RIT2: variants seen among roughly 807,000 people sequenced by gnomAD.
RIT2 encodes the protein GTP-binding protein Rit2.
RIT2 carries 24 observed loss-of-function variants against 23.7 expected under a neutral mutation model. The observed-to-expected ratio is 1.01, with a 90% confidence interval of 0.73 to 1.43. The LOEUF (loss-of-function observed/expected upper bound fraction) is 1.43, where lower values mean the gene tolerates loss of function less well. Among genes scored for constraint, RIT2 ranks in the 40% most tolerant of loss-of-function variants. RIT2 has a pLI of 0.00. For missense variants in RIT2, 236 were observed against 266.9 expected (o/e 0.88, Z 0.81); for synonymous variants, 107 against 91.1 (o/e 1.17, Z -0.99).
intron 3 of RIT2, among the ~76,000 whole-genome samples, chr18:42,970,994 T>C (rs1248784745): frequency 2.0e-5 from 3 of 151,998 alleles, no homozygotes; most frequent in Admixed American, 6.6e-5. Context: ...ATGAAACACA[T>C]TGGGACTTGG....
intron 4 of RIT2, among the ~76,000 whole-genome samples, chr18:42,840,361 A>C (rs1283993998): frequency 6.6e-6 from 1 of 152,154 alleles, no homozygotes; most frequent in Non-Finnish European, 1.5e-5. Context: ...TTCATTTGCT[A>C]TTTCTGGCAA....
At chr18:43,023,494 T>G (rs1911643105) in intron 2 of RIT2, among the ~76,000 whole-genome samples, 1 of 152,092 alleles carries the variant, frequency 6.6e-6, no homozygotes, top group African/African-American at 2.4e-5. Context: ...AATATTCATT[T>G]TGTCTTCAGC....
Position 42,923,612 on chromosome 18 carries a change from A to G in RIT2, c.386T>C (p.Val129Ala), listed in dbSNP as rs762925413. ...QVRHTYEIPL[V>A]LVGNKIDLEQ... The stretch of plus-strand genomic sequence containing the variant: ...CAGATCAATTTTGTTACCCACCAGC[A>G]CCAGGGGAATTTCATAGGTGTGGCG... Residue 129 changes from valine (V) to alanine (A), a missense_variant, in exon 4 of 5, where the codon GTG becomes GCG. By Grantham distance (64) the Val-to-Ala change is moderately conservative (BLOSUM62 0). Coordinates refer to ENST00000326695, the MANE Select transcript of RIT2 (RefSeq NM_002930.4). 6.2e-7 allele frequency: 1 copy of G among 1,613,454 alleles called. No individual in the cohort carries two copies. The highest frequency in any genetic ancestry group is 8.5e-7 in the Non-Finnish European group (1 of 1,179,616).
At chr18:42,998,867 G>C (rs983407801) in intron 2 of RIT2, among the ~76,000 whole-genome samples, 2 of 152,000 alleles carry the variant, frequency 1.3e-5, no homozygotes, top group Non-Finnish European at 2.9e-5. Flanking sequence ...AATAAAAGAG[G>C]TAGGTTTATA....
chr18:42,858,007 C>G (rs1423846406), intron 4 of RIT2, among the ~76,000 whole-genome samples: 3 of 152,044 alleles, frequency 2.0e-5, no homozygotes, highest in Admixed American at 6.6e-5. Flanking sequence ...ATGGCGAAAC[C>G]CTGTCTCTAC....
chr18:42,846,877 T>TC (rs1472881836), intron 4 of RIT2, among the ~76,000 whole-genome samples: 2 of 152,150 alleles, frequency 1.3e-5, no homozygotes, highest in African/African-American at 4.8e-5. Flanking sequence ...ATGTCATGAA[T>TC]AGCCACTGAT....
At chr18:42,914,289 T>C (rs575270706) in intron 4 of RIT2, among the ~76,000 whole-genome samples, 1 of 152,250 alleles carries the variant, frequency 6.6e-6, no homozygotes, top group South Asian at 2.1e-4. Context: ...ATTTTGCTCT[T>C]GCGCATTTAT....
At chr18:42,953,912 T>C (rs1288667275) in intron 3 of RIT2, among the ~76,000 whole-genome samples, 1 of 152,168 alleles carries the variant, frequency 6.6e-6, no homozygotes, top group Non-Finnish European at 1.5e-5. Flanking sequence ...GCTTTTCTTA[T>C]CTTCTAGAAT....
At chr18:43,077,075 C>T (rs957019147) in intron 1 of RIT2, among the ~76,000 whole-genome samples, 6 of 135,484 alleles carry the variant, frequency 4.4e-5, no homozygotes, top group Non-Finnish European at 7.6e-5. Flanking sequence ...TGCACTCCAG[C>T]CTGGGCGACA....
At chr18:43,008,171 A>G (rs1412087995) in intron 2 of RIT2, among the ~76,000 whole-genome samples, 1 of 151,702 alleles carries the variant, frequency 6.6e-6, no homozygotes, top group Middle Eastern at 3.2e-3. Flanking sequence ...ACAATGGATA[A>G]CAGTAGAGAG....
chr18:42,868,113 AGCATATTTTTCCACACGT>A (rs1907521063), intron 4 of RIT2, among the ~76,000 whole-genome samples: 1 of 152,202 alleles, frequency 6.6e-6, no homozygotes, highest in Admixed American at 6.5e-5. Flanking sequence ...AGTAGACACA[AGCATATTTTTCCACACGT>A]GCATATTTTT....
At chr18:42,875,627 T>C (rs1907726315) in intron 4 of RIT2, among the ~76,000 whole-genome samples, 1 of 152,066 alleles carries the variant, frequency 6.6e-6, no homozygotes, top group Non-Finnish European at 1.5e-5. Flanking sequence ...TTAGGAGTTT[T>C]GCAAATAGAA....
At chr18:42,880,228 C>T (rs1362249727) in intron 4 of RIT2, among the ~76,000 whole-genome samples, 1 of 152,098 alleles carries the variant, frequency 6.6e-6, no homozygotes, top group Admixed American at 6.5e-5. Context: ...CCTGTTTGTG[C>T]CCTACCCTGA....
chr18:43,095,922 G>A (rs959976255), intron 1 of RIT2, among the ~76,000 whole-genome samples: 1 of 151,902 alleles, frequency 6.6e-6, no homozygotes, highest in South Asian at 2.1e-4. Context: ...CACTCAGCTC[G>A]CTACTGAAAG....
intron 4 of RIT2, among the ~76,000 whole-genome samples, chr18:42,907,112 G>GA (rs1447885550): frequency 6.6e-5 from 10 of 152,000 alleles, no homozygotes; most frequent in African/African-American, 2.4e-5. Flanking sequence ...TCTTCTTTTA[G>GA]AAAAAATTTG....
intron 3 of RIT2, among the ~76,000 whole-genome samples, chr18:42,973,019 A>T (rs1018687386): frequency 2.6e-5 from 4 of 151,810 alleles, no homozygotes; most frequent in Non-Finnish European, 4.4e-5. Flanking sequence ...ATATTCTGAC[A>T]CTTCTAATTT....
intron 2 of RIT2, among the ~76,000 whole-genome samples, chr18:43,004,118 T>G (rs761361054): frequency 2.0e-5 from 3 of 151,886 alleles, no homozygotes; most frequent in Non-Finnish European, 4.4e-5. Flanking sequence ...CTGGAGATTT[T>G]TTCTGCTTAA....
chr18:42,932,138 T>C (rs1212763830), intron 3 of RIT2, among the ~76,000 whole-genome samples: 1 of 152,148 alleles, frequency 6.6e-6, no homozygotes, highest in Non-Finnish European at 1.5e-5. Flanking sequence ...CACTCCCTCA[T>C]GATAGAAATG....
chr18:42,759,730 C>CAT (rs1230947336), intron 4 of RIT2, among the ~76,000 whole-genome samples: 2 of 136,462 alleles, frequency 1.5e-5, no homozygotes, highest in African/African-American at 5.6e-5. Context: ...CACACACACA[C>CAT]ACACACACAC....
Sources: allele counts gnomAD v4.1 joint callset (sites outside exome capture counted in the v4.1 genomes callset), GRCh38; gene constraint gnomAD v4.1.1; transcripts MANE v1.5; gene names NCBI Gene and HGNC (gene_info 2026-07-23, HGNC 2026-07-21).